The following SCN11A variants were observed in gnomAD, a reference collection of about 807,000 sequenced individuals.
The protein encoded by SCN11A is sodium voltage-gated channel alpha subunit 11, also known as sodium channel protein type 11 subunit alpha.
SCN11A carries 122 observed loss-of-function variants against 162.2 expected under a neutral mutation model. The observed-to-expected ratio is 0.75, with a 90% CI of 0.65 to 0.87. The LOEUF (loss-of-function observed/expected upper bound fraction) is 0.87. Among genes scored for constraint, SCN11A ranks in the 40% least tolerant of loss-of-function variants. The pLI is 0.00. For synonymous variants in SCN11A, 758 were observed against 751.5 expected, an observed-to-expected ratio of 1.01 and a Z score of -0.14; for missense variants, 2,015 against 2,181.6, an observed-to-expected ratio of 0.92 and a Z score of 1.52.
intron 2 of SCN11A, among the ~76,000 whole-genome samples, chr3:38,979,916 A>C (rs1168138752): frequency 6.6e-6 from 1 of 152,184 alleles, no homozygotes; most frequent in African/African-American, 2.4e-5. Flanking sequence ...AAACCCCCTT[A>C]GTGCAGACCC....
intron 2 of SCN11A, among the ~76,000 whole-genome samples, chr3:38,998,378 A>G (rs1269086245): frequency 1.3e-5 from 2 of 152,174 alleles, no homozygotes; most frequent in Non-Finnish European, 2.9e-5. Context: ...CGGGTTTGCA[A>G]TCTCCACTAA....
At chr3:38,920,039 A>G in intron 10 of SCN11A, 38 bp from the exon 11 acceptor site, 1 of 1,480,154 alleles carries the variant, frequency 6.8e-7, no homozygotes, top group Non-Finnish European at 9.4e-7. Flanking sequence ...GATTTTAAAA[A>G]AAACATTGAA....
intron 9 of SCN11A, among the ~76,000 whole-genome samples, chr3:38,924,972 T>C (rs943561867): frequency 1.3e-5 from 2 of 151,990 alleles, no homozygotes; most frequent in Non-Finnish European, 2.9e-5. Flanking sequence ...CACCTTCAAA[T>C]CTCTGCCACC....
At chr3:39,021,419 C>T (rs2031446732) in intron 2 of SCN11A, among the ~76,000 whole-genome samples, 2 of 152,048 alleles carry the variant, frequency 1.3e-5, no homozygotes, top group Admixed American at 1.3e-4. Flanking sequence ...TTTGACAGCT[C>T]TCAAGGCCAA....
rs560110639 is a variant in SCN11A, at chr3:38,886,221, C to T, written c.2853G>A (p.Gln951=). The change falls in exon 20 of 30, where the codon CAG becomes CAA. Residue 951 remains glutamine, a synonymous_variant. Transcript: ENST00000302328. The part of the protein sequence containing the change: ...EPEQQAYELH[Q]ENKKPTSQRV... ...TCTGGCTCGTGGGCTTCTTGTTCTC[C>T]TGATGGAGCTCATAGGCCTAACACA... 1.2e-6 allele frequency: 2 copies of T among 1,612,106 alleles called. No individual in the cohort carries two copies. Among genetic ancestry groups the T allele is most frequent in the East Asian group, 4.5e-5 (2 of 44,872 alleles).
chr3:38,962,924 CA>C (rs1408680631), intron 2 of SCN11A, among the ~76,000 whole-genome samples: 1 of 151,766 alleles, frequency 6.6e-6, no homozygotes, highest in African/African-American at 2.4e-5. Flanking sequence ...AAAAGATATA[CA>C]AATGGCCAAC....
At chr3:39,025,112 T>C (rs2031554327) in intron 2 of SCN11A, among the ~76,000 whole-genome samples, 1 of 152,162 alleles carries the variant, frequency 6.6e-6, no homozygotes. Context: ...AAGGGAGTTC[T>C]AGCTTCTAAG....
chr3:39,000,266 CCT>C (rs2125598004), intron 2 of SCN11A, among the ~76,000 whole-genome samples: 2 of 152,254 alleles, frequency 1.3e-5, no homozygotes, highest in East Asian at 1.9e-4. Context: ...ATCCTTTCCC[CCT>C]GTTGGGAGTC....
At chr3:38,974,709 A>AAAAAAAAAAAAAAAAG (rs1553647127) in intron 2 of SCN11A, among the ~76,000 whole-genome samples, 38 of 130,360 alleles carry the variant, frequency 2.9e-4, no homozygotes, top group Non-Finnish European at 4.3e-4. Context: ...AAAAAAAAAA[A>AAAAAAAAAAAAAAAAG]AAAAGAAAAG....
chr3:39,026,951 G>A (rs555082060), intron 2 of SCN11A, among the ~76,000 whole-genome samples: 2 of 152,298 alleles, frequency 1.3e-5, no homozygotes, highest in South Asian at 4.1e-4. Flanking sequence ...TTAGTGTTAA[G>A]TCAGAGAGAG....
chr3:39,030,567 C>T (rs566364197), intron 2 of SCN11A, among the ~76,000 whole-genome samples: 14 of 152,290 alleles, frequency 9.2e-5, no homozygotes, highest in African/African-American at 3.1e-4. Flanking sequence ...CGTTTTCTAT[C>T]ATTTTAGCTG....
chr3:38,918,422 AAG>A (rs2125545690), intron 11 of SCN11A, among the ~76,000 whole-genome samples: 1 of 152,316 alleles, frequency 6.6e-6, no homozygotes, highest in African/African-American at 2.4e-5. Context: ...AGATTTTCAT[AAG>A]AGTGTGAACC....
rs749301699 is a variant in SCN11A, at chr3:38,894,856, G to C, written c.2512C>G (p.Arg838Gly). The change falls in exon 19 of 30, where the codon CGA (arginine) becomes GGA (glycine). Residue 838 changes from arginine to glycine, a missense_variant. Transcript: ENST00000302328. The part of the protein sequence containing the change: ...RKTKVQLALD[R>G]FRRAFCFVRH... ...ACAAAACAAAAAGCCCGGCGGAATC[G>C]ATCCAGTGCTAACTGGACTTTAGTT... is the stretch of plus-strand genomic sequence containing the variant. 6.2e-7 allele frequency: 1 copy of C among 1,614,172 alleles called. No individual in the cohort carries two copies. Among genetic ancestry groups the C allele is most frequent in the Admixed American group, 1.7e-5 (1 of 60,026 alleles).
chr3:38,993,088 T>C (rs2030502408), intron 2 of SCN11A, among the ~76,000 whole-genome samples: 1 of 152,248 alleles, frequency 6.6e-6, no homozygotes, highest in Admixed American at 6.5e-5. Context: ...AATATGTGGT[T>C]CTCTCGAGGC....
chr3:39,026,541 G>C (rs1454987098), intron 2 of SCN11A, among the ~76,000 whole-genome samples: 2 of 151,548 alleles, frequency 1.3e-5, no homozygotes, highest in African/African-American at 4.9e-5. Flanking sequence ...GGAAAACCAG[G>C]GCCAGACAGA....
intron 28 of SCN11A, among the ~76,000 whole-genome samples, chr3:38,855,060 G>A (rs1210137396): frequency 1.3e-5 from 2 of 152,250 alleles, no homozygotes; most frequent in Non-Finnish European, 2.9e-5. Context: ...GACATTGTGG[G>A]CAGACAGGGA....
intron 10 of SCN11A, among the ~76,000 whole-genome samples, chr3:38,920,430 C>T (rs372231251): frequency 3.9e-5 from 6 of 152,232 alleles, no homozygotes; most frequent in Admixed American, 2.0e-4. Context: ...TGGTGGCTCA[C>T]GCCTGTAATC....
At chr3:38,998,164 G>GT (rs2030700874) in intron 2 of SCN11A, among the ~76,000 whole-genome samples, 1 of 152,154 alleles carries the variant, frequency 6.6e-6, no homozygotes, top group South Asian at 2.1e-4. Context: ...TACATGTACT[G>GT]TTTTTCAGAA....
At chr3:38,876,849 G>A (rs1298614723) in intron 23 of SCN11A, among the ~76,000 whole-genome samples, 6 of 151,902 alleles carry the variant, frequency 3.9e-5, no homozygotes, top group South Asian at 2.1e-4. Context: ...TCCCACTAAT[G>A]TGTATCTACT....
Sources: allele counts gnomAD v4.1 joint callset (sites outside exome capture counted in the v4.1 genomes callset), GRCh38; gene constraint gnomAD v4.1.1; transcripts MANE v1.5; gene names NCBI Gene and HGNC (gene_info 2026-07-23, HGNC 2026-07-21).